CDK14: variants seen among roughly 807,000 people sequenced by gnomAD.
CDK14 encodes the protein cyclin-dependent kinase 14.
Under a neutral mutation model 60.7 loss-of-function variants are expected in CDK14, and 34 were observed. That is an observed-to-expected ratio of 0.56 (90% confidence interval 0.43 to 0.75). CDK14 has a LOEUF of 0.75. CDK14 is among the 30% of genes least tolerant of loss of function. The pLI is 0.00. For missense variants in CDK14, 482 were observed against 564.1 expected, an observed-to-expected ratio of 0.85 and a Z score of 1.47; for synonymous variants, 197 against 203.7, an observed-to-expected ratio of 0.97 and a Z score of 0.28.
intron 8 of CDK14, among the ~76,000 whole-genome samples, chr7:90,929,795 T>C (rs1793532864): frequency 6.6e-6 from 1 of 152,218 alleles, no homozygotes; most frequent in East Asian, 1.9e-4. Flanking sequence ...ATAAGAAATT[T>C]TGTGGATCAC....
chr7:90,729,658 T>C (rs1475205389), intron 3 of CDK14, among the ~76,000 whole-genome samples: 1 of 151,804 alleles, frequency 6.6e-6, no homozygotes, highest in East Asian at 1.9e-4. Context: ...CTTTTTTTAA[T>C]ATATATTAGG....
chr7:90,944,405 G>T (rs1008427487), intron 8 of CDK14, among the ~76,000 whole-genome samples: 1 of 152,144 alleles, frequency 6.6e-6, no homozygotes, highest in East Asian at 1.9e-4. Flanking sequence ...CAGGCCAGAC[G>T]TCATGCCAGG....
At chr7:91,112,822 GGT>G (rs112066860) in intron 13 of CDK14, 141 bp downstream of exon 13, 47,285 of 649,002 alleles carry the variant, frequency 0.073, 2 homozygotes, top group East Asian at 0.12. Context: ...GTGCATTACA[GGT>G]GTGTGTGTGT....
At chr7:90,694,454 G>A (rs7811102) in intron 2 of CDK14, among the ~76,000 whole-genome samples, 109,480 of 152,084 alleles carry the variant, frequency 0.72, 39,482 homozygotes, top group East Asian at 0.77. Flanking sequence ...TTGAAATCAA[G>A]CCTATTTTTT....
intron 9 of CDK14, among the ~76,000 whole-genome samples, chr7:90,969,286 T>G (rs554170432): frequency 3.2e-4 from 49 of 152,198 alleles, no homozygotes; most frequent in Non-Finnish European, 5.9e-4. Context: ...TCCATCAAAG[T>G]CTAGCTATGC....
Position 90,757,244 on chromosome 7 carries a change from GTGTGTGTC to G in CDK14, c.464+9477_464+9484del, listed in dbSNP as rs761695436. The stretch of plus-strand genomic sequence containing the variant: ...TGTGTGTGTGTGTGTGTGTGTGTGT[GTGTGTGTC>G]TGTGTGTGTCTGTGTCCAAGTTTTC... On this transcript the variant is annotated intron_variant, in intron 4 of 14. Coordinates refer to ENST00000380050, the MANE Select transcript of CDK14 (RefSeq NM_001287135.2). Among the ~76,000 whole-genome samples the G allele has an allele frequency of 3.3e-3, 427 of 127,756 alleles. 1 individual carries two copies. Among genetic ancestry groups the G allele is most frequent in the African/African-American group, 6.5e-3 (231 of 35,286 alleles). 83.8% of individuals were successfully genotyped at this position (127,756 alleles called of 152,430 possible).
At chr7:90,716,735 C>A (rs970134877) in intron 2 of CDK14, among the ~76,000 whole-genome samples, 1 of 151,940 alleles carries the variant, frequency 6.6e-6, no homozygotes, top group African/African-American at 2.4e-5. Flanking sequence ...AATATGTTAC[C>A]GAAGGAGTAG....
At chr7:90,814,419 A>G (rs745434507) in intron 5 of CDK14, among the ~76,000 whole-genome samples, 1 of 152,190 alleles carries the variant, frequency 6.6e-6, no homozygotes, top group East Asian at 1.9e-4. Flanking sequence ...ATTTTTGACA[A>G]ATAATTTTAA....
chr7:91,059,746 T>C (rs1176136136), intron 11 of CDK14, among the ~76,000 whole-genome samples: 1 of 152,216 alleles, frequency 6.6e-6, no homozygotes, highest in African/African-American at 2.4e-5. Context: ...GAGTTCTAGT[T>C]TGATTGCACT....
intron 12 of CDK14, among the ~76,000 whole-genome samples, chr7:91,091,000 G>A (rs73230834): frequency 2.9e-5 from 1 of 34,600 alleles, no homozygotes; most frequent in East Asian, 8.1e-3. Context: ...TTTTGTTTGT[G>A]TGTGTGTGTG....
At chr7:90,914,878 C>T (rs1793023410) in intron 7 of CDK14, among the ~76,000 whole-genome samples, 1 of 152,154 alleles carries the variant, frequency 6.6e-6, no homozygotes, top group African/African-American at 2.4e-5. Flanking sequence ...AAATTCAGGT[C>T]AGTACTCACA....
chr7:91,174,017 C>G (rs1026266829), intron 14 of CDK14, among the ~76,000 whole-genome samples: 2 of 151,722 alleles, frequency 1.3e-5, no homozygotes, highest in South Asian at 4.1e-4. Context: ...CACAGACAAA[C>G]AAAAAGATAG....
intron 5 of CDK14, among the ~76,000 whole-genome samples, chr7:90,852,262 T>A (rs1790671722): frequency 6.6e-6 from 1 of 152,200 alleles, no homozygotes; most frequent in Non-Finnish European, 1.5e-5. Context: ...ATTTAGGATG[T>A]CTTTATTTTC....
In CDK14 at chr7:90,698,286, G is replaced by A. The variant is rs570899416; in HGVS notation, c.124-28281G>A. ...ATTTTAATTTCCTGCTAATTGCAAT[G>A]ATAGCACAATAATGAATTCTACCTA... On this transcript the variant is annotated intron_variant, in intron 2 of 14. Coordinates refer to ENST00000380050, the MANE Select transcript of CDK14 (RefSeq NM_001287135.2). Among the ~76,000 whole-genome samples the A allele has an allele frequency of 2.0e-5, 3 of 152,134 alleles. No homozygotes were observed. In the South Asian group the frequency reaches 6.2e-4, roughly 32 times the overall value.
At chr7:90,777,790 A>G (rs971191310) in intron 4 of CDK14, among the ~76,000 whole-genome samples, 15 of 152,146 alleles carry the variant, frequency 9.9e-5, no homozygotes, top group African/African-American at 3.6e-4. Context: ...TCACTGTGTC[A>G]TATCCCAGGC....
At chr7:91,146,221 G>C (rs1313697867) in intron 14 of CDK14, among the ~76,000 whole-genome samples, 1 of 152,180 alleles carries the variant, frequency 6.6e-6, no homozygotes, top group South Asian at 2.1e-4. Flanking sequence ...GATTGATTGA[G>C]ACAGAGTCTT....
chr7:90,621,246 CT>C (rs1170077329), intron 2 of CDK14, among the ~76,000 whole-genome samples: 1 of 152,174 alleles, frequency 6.6e-6, no homozygotes, highest in Non-Finnish European at 1.5e-5. Context: ...TCTTGGTTCC[CT>C]TTCTTGTTTG....
chr7:90,634,842 G>A (rs902799613), intron 2 of CDK14, among the ~76,000 whole-genome samples: 2 of 152,114 alleles, frequency 1.3e-5, no homozygotes, highest in East Asian at 3.9e-4. Context: ...GTGTGAGATG[G>A]TATCTCATTG....
intron 12 of CDK14, among the ~76,000 whole-genome samples, chr7:91,098,943 C>T (rs1022363404): frequency 6.6e-6 from 1 of 152,074 alleles, no homozygotes; most frequent in Non-Finnish European, 1.5e-5. Context: ...TTTCAGTTCT[C>T]AGTGAAAGGT....
Sources: gnomAD v4.1 joint callset for allele counts (sites outside exome capture counted in the v4.1 genomes callset) on GRCh38, gnomAD v4.1.1 for gene constraint, MANE v1.5 for transcripts, NCBI Gene and HGNC (gene_info 2026-07-23, HGNC 2026-07-21) for gene names.